The following NAPB variants were observed in gnomAD, a reference collection of about 807,000 sequenced individuals.
NAPB encodes NSF attachment protein beta, also known as beta-soluble NSF attachment protein.
Under a neutral mutation model 44.7 loss-of-function variants are expected in NAPB, and 26 were observed. The ratio of observed to expected loss-of-function variants is 0.58; its 90% CI spans 0.43 to 0.81. The LOEUF (loss-of-function observed/expected upper bound fraction) is 0.81, where lower values mean the gene tolerates loss of function less well. Among genes scored for constraint, NAPB ranks in the 30% least tolerant of loss-of-function variants. The pLI, the probability that NAPB is intolerant of heterozygous loss-of-function variation, is 0.00. For missense variants in NAPB, 315 were observed against 356.4 expected, an observed-to-expected ratio of 0.88 and a Z score of 0.94; for synonymous variants, 120 against 116.8, an observed-to-expected ratio of 1.03 and a Z score of -0.18.
intron 7 of NAPB, among the ~76,000 whole-genome samples, chr20:23,386,677 C>T (rs975725847): frequency 3.3e-5 from 5 of 152,188 alleles, no homozygotes; most frequent in African/African-American, 7.2e-5. Flanking sequence ...CAGCAGTCTA[C>T]GCTTATTTTC....
Position 23,381,198 on chromosome 20 carries a change from TGAA to T in NAPB, c.666+12_666+14del. The stretch of plus-strand genomic sequence containing the variant: ...ATGGGTGAAATCAGTCAATCAATGC[TGAA>T]GAACTCCTTACCTTGGCATTCAACT... On this transcript the variant is annotated intron_variant, in intron 8 of 10. Coordinates refer to ENST00000377026, the MANE Select transcript of NAPB (RefSeq NM_022080.3). 1.3e-6 allele frequency: 2 copies of T among 1,572,984 alleles called. No individual in the cohort carries two copies. Among genetic ancestry groups the T allele is most frequent in the Non-Finnish European group, 1.8e-6 (2 of 1,142,822 alleles).
intron 1 of NAPB, among the ~76,000 whole-genome samples, chr20:23,411,665 G>T (rs1032066910): frequency 2.0e-5 from 3 of 151,824 alleles, no homozygotes; most frequent in Non-Finnish European, 4.4e-5. Context: ...TAGAGAACAA[G>T]AGATGTAGAA....
intron 2 of NAPB, among the ~76,000 whole-genome samples, chr20:23,401,382 C>CA (rs1442724235): frequency 6.6e-6 from 1 of 152,052 alleles, no homozygotes; most frequent in Non-Finnish European, 1.5e-5. Context: ...TTCCAAAATT[C>CA]AAAAAATTGC....
At chr20:23,401,751 C>T (rs1279725947) in intron 2 of NAPB, among the ~76,000 whole-genome samples, 1 of 152,056 alleles carries the variant, frequency 6.6e-6, no homozygotes, top group Admixed American at 6.5e-5. Flanking sequence ...CGTGGTGGCG[C>T]GTGCCTGTAG....
intron 7 of NAPB, among the ~76,000 whole-genome samples, chr20:23,389,421 A>T (rs2123167529): frequency 6.6e-6 from 1 of 152,278 alleles, no homozygotes; most frequent in African/African-American, 2.4e-5. Flanking sequence ...GTATGTAACT[A>T]AGAGAACTAA....
At chr20:23,404,595 C>T (rs6137936) in intron 1 of NAPB, among the ~76,000 whole-genome samples, 11,546 of 152,168 alleles carry the variant, frequency 0.076, 666 homozygotes, top group East Asian at 0.3. Flanking sequence ...TAATGTATAC[C>T]TAGGAGTTAT....
Position 23,390,027 on chromosome 20 carries a change from T to G in NAPB, c.480A>C (p.Ser160=). The part of the protein sequence containing the change: ...DYYKGEESNS[S]ANKCLLKVAA... Reference sequence around the variant, plus strand: ...CCACCTTCAGCAGACACTTGTTTGCTGAGCTGAAATCAAGAACCAAAGCAG... The same window carrying G: ...CCACCTTCAGCAGACACTTGTTTGCGGAGCTGAAATCAAGAACCAAAGCAG... Residue 160 remains serine, a synonymous_variant, in exon 7 of 11, where the codon TCA becomes TCC. Transcript: ENST00000377026. The G allele has an allele frequency of 6.2e-7, 1 of 1,613,952 alleles. No homozygotes were observed. Among genetic ancestry groups the G allele is most frequent in the Non-Finnish European group, 8.5e-7 (1 of 1,179,940 alleles).
chr20:23,397,278 T>C, intron 2 of NAPB, 90 bp from the exon 3 acceptor site: 1 of 1,418,466 alleles, frequency 7.0e-7, no homozygotes, highest in African/African-American at 1.4e-5. Flanking sequence ...AGAAAAATTA[T>C]ATTCCACTGA....
At chr20:23,414,341 T>A (rs1985861167) in intron 1 of NAPB, among the ~76,000 whole-genome samples, 1 of 151,828 alleles carries the variant, frequency 6.6e-6, no homozygotes, top group Non-Finnish European at 1.5e-5. Flanking sequence ...AACAAATAAA[T>A]AAAAATAAAA....
chr20:23,417,109 A>C lies in NAPB; in HGVS notation c.98+4196T>G, dbSNP rs1417906878. Reference sequence around the variant, plus strand: ...TTTTTTTTTTTTTTTTTTGAGACGGAGTCTCGCTCGGGGGCCCAGGCTGGA... The same window carrying C: ...TTTTTTTTTTTTTTTTTTGAGACGGCGTCTCGCTCGGGGGCCCAGGCTGGA... On this transcript the variant is annotated intron_variant, in intron 1 of 10. Coordinates refer to ENST00000377026, the MANE Select transcript of NAPB (RefSeq NM_022080.3). 2.3e-5 allele frequency among the ~76,000 whole-genome samples: 3 copies of C among 131,468 alleles called. No individual in the cohort carries two copies. The Admixed American group carries it at 2.6e-4, about 11-fold the overall frequency. The allele number at this position is 131,468 out of a possible 152,430, so 86.2% of individuals were successfully genotyped here.
At chr20:23,381,826 G>A (rs1983027367) in intron 7 of NAPB, among the ~76,000 whole-genome samples, 1 of 152,124 alleles carries the variant, frequency 6.6e-6, no homozygotes, top group Non-Finnish European at 1.5e-5. Context: ...GACAATAACT[G>A]CTCTACTCCA....
chr20:23,404,969 C>T (rs370537507), intron 1 of NAPB, among the ~76,000 whole-genome samples: 1 of 152,166 alleles, frequency 6.6e-6, no homozygotes, highest in Non-Finnish European at 1.5e-5. Context: ...TACCATATAA[C>T]CCAGCAATTC....
Position 23,396,964 on chromosome 20 carries a change from C to T in NAPB, c.295+108G>A, listed in dbSNP as rs1258640350. 11 of 1,189,672 alleles carry T rather than the reference C, an allele frequency of 9.2e-6. No individual in the cohort carries two copies. In the Admixed American group the frequency reaches 1.2e-4, roughly 12 times the overall value. The allele number at this position is 1,189,672 out of a possible 1,614,324, so 73.7% of individuals were successfully genotyped here. On this transcript the variant is annotated intron_variant, in intron 3 of 10. Transcript: ENST00000377026. ...CTATTATTCCAAAATACAAAAATTC[C>T]TTTTTACCAGGACTTGAAAGCACAC...
chr20:23,390,137 A>G (rs1329778604), intron 6 of NAPB, 72 bp downstream of exon 6: 18 of 1,505,930 alleles, frequency 1.2e-5, no homozygotes, highest in Non-Finnish European at 1.7e-5. Flanking sequence ...TACACTCACA[A>G]AGTATAAAGA....
intron 1 of NAPB, among the ~76,000 whole-genome samples, chr20:23,404,872 G>A (rs895723539): frequency 6.6e-6 from 1 of 152,194 alleles, no homozygotes; most frequent in Non-Finnish European, 1.5e-5. Flanking sequence ...AAGAGTCAGG[G>A]AAGACGTGGA....
At chr20:23,418,157 G>C (rs77673953) in intron 1 of NAPB, among the ~76,000 whole-genome samples, 11,479 of 152,240 alleles carry the variant, frequency 0.075, 664 homozygotes, top group East Asian at 0.3. Flanking sequence ...TAAAGCACCA[G>C]CTAGTCAGCT....
intron 1 of NAPB, among the ~76,000 whole-genome samples, chr20:23,410,296 C>A (rs1985562306): frequency 6.6e-6 from 1 of 152,176 alleles, no homozygotes; most frequent in Admixed American, 6.5e-5. Flanking sequence ...TGAAGTCACA[C>A]AAACCGCTCA....
chr20:23,387,643 C>CA (rs374849936), intron 7 of NAPB, among the ~76,000 whole-genome samples: 110 of 145,376 alleles, frequency 7.6e-4, no homozygotes, highest in African/African-American at 1.6e-3. Flanking sequence ...GTAGTAGCGT[C>CA]AAAAAAAAAA....
chr20:23,414,090 A>G (rs1380044055), intron 1 of NAPB, among the ~76,000 whole-genome samples: 1 of 152,184 alleles, frequency 6.6e-6, no homozygotes, highest in Non-Finnish European at 1.5e-5. Context: ...TGGGAGACCA[A>G]CCAGGCAGAT....
Sources: allele counts gnomAD v4.1 joint callset (sites outside exome capture counted in the v4.1 genomes callset), GRCh38; gene constraint gnomAD v4.1.1; transcripts MANE v1.5; gene names NCBI Gene and HGNC (gene_info 2026-07-23, HGNC 2026-07-21).